The following POU6F1 variants were observed in gnomAD, a reference collection of about 807,000 sequenced individuals.
POU6F1 encodes POU domain, class 6, transcription factor 1.
Under a neutral mutation model 28.9 loss-of-function variants are expected in POU6F1, and 9 were observed. The observed-to-expected ratio is 0.31, with a 90% CI of 0.19 to 0.54. The LOEUF (loss-of-function observed/expected upper bound fraction) is 0.54. Ranked by LOEUF, POU6F1 falls within the 20% of genes least tolerant of loss-of-function variation. POU6F1 has a pLI of 0.94. For missense variants in POU6F1, 338 were observed against 426.1 expected, an observed-to-expected ratio of 0.79 and a Z score of 1.82; for synonymous variants, 173 against 171.1, an observed-to-expected ratio of 1.01 and a Z score of -0.09.
In POU6F1 at chr12:51,205,261, C is replaced by T. The variant is rs541149280; in HGVS notation, c.49-893G>A. On this transcript the variant is annotated intron_variant, in intron 2 of 10. Coordinates refer to ENST00000333640, the MANE Select transcript of POU6F1 (RefSeq NM_001330422.2). ...TTCACTGTGTTGGCCAGGATGGTCT[C>T]GATCTCCTGATCTCGTGATCCGCCC... Among the ~76,000 whole-genome samples, 9 of 152,032 alleles carry T rather than the reference C, an allele frequency of 5.9e-5. No homozygotes were observed. In the South Asian group the frequency reaches 1.7e-3, roughly 28 times the overall value.
intron 3 of POU6F1, among the ~76,000 whole-genome samples, chr12:51,203,489 T>C (rs1943364021): frequency 6.6e-6 from 1 of 152,204 alleles, no homozygotes; most frequent in South Asian, 2.1e-4. Flanking sequence ...TCTCTTGTCA[T>C]TCCTTTATCC....
Position 51,199,867 on chromosome 12 carries a change from C to T in POU6F1, c.246G>A (p.Val82=). The T allele has an allele frequency of 7.5e-6, 3 of 399,380 alleles. No homozygotes were observed. Among genetic ancestry groups the T allele is most frequent in the Non-Finnish European group, 1.3e-5 (3 of 226,240 alleles). 24.7% of individuals were successfully genotyped at this position (399,380 alleles called of 1,614,324 possible). ...TCGGAGGGATCCCCGGGGGTGACTT[C>T]ACTTCACAAGGCATTGAGAGAAAGA... ...DNLGSSAEAT[V]KSPPGIPPSP... Residue 82 remains valine, a splice_region_variant and synonymous_variant, in exon 4 of 11, where the codon GTG becomes GTA. Coordinates refer to ENST00000333640, the MANE Select transcript of POU6F1 (RefSeq NM_001330422.2). This position sits in a 1 kb window ranked among gnomAD's most constrained non-coding sequence, Gnocchi z 4.1.
chr12:51,212,231 C>A (rs910394508), intron 1 of POU6F1, among the ~76,000 whole-genome samples: 2 of 151,808 alleles, frequency 1.3e-5, no homozygotes, highest in African/African-American at 4.8e-5. Context: ...GTAGCTGGGA[C>A]TACAGGTGCG....
rs1384716560 is a variant in POU6F1 at position 51,196,165 on chromosome 12, T to C, written c.984A>G (p.Gly328=). The C allele has an allele frequency of 7.9e-6, 12 of 1,514,154 alleles. No homozygotes were observed. Among genetic ancestry groups the C allele is most frequent in the Non-Finnish European group, 1.1e-5 (12 of 1,134,174 alleles). 93.8% of individuals were successfully genotyped at this position (1,514,154 alleles called of 1,614,324 possible). A position where few individuals can be genotyped will look rare whatever the true frequency, so the allele number is the denominator to read the frequency against. The change falls in exon 8 of 11, where the codon GGA becomes GGG. Residue 328 remains glycine (G), a synonymous_variant. Coordinates refer to ENST00000333640, the MANE Select transcript of POU6F1 (RefSeq NM_001330422.2). ...CTGAGTTCACTACCCATGGAAGGGT[T>C]CCAATAACCTGGGAGGAAATAAGGC... is the stretch of plus-strand genomic sequence containing the variant. ...ILTNAQGQVI[G]TLPWVVNSAS...
At chr12:51,193,741 C>T (rs767229598) in intron 8 of POU6F1, among the ~76,000 whole-genome samples, 5 of 152,134 alleles carry the variant, frequency 3.3e-5, no homozygotes, top group African/African-American at 4.8e-5. Context: ...TTACTTTTTA[C>T]ATTACACAAA....
At chr12:51,205,189 A>G (rs1225917892) in intron 2 of POU6F1, among the ~76,000 whole-genome samples, 4 of 151,544 alleles carry the variant, frequency 2.6e-5, no homozygotes, top group African/African-American at 9.7e-5. Flanking sequence ...ACAGGTGCCC[A>G]CCACCACGCC....
chr12:51,190,041 T>A lies in POU6F1; in HGVS notation c.*206A>T, dbSNP rs1237591018. 1 of 914,604 alleles carries A rather than the reference T, an allele frequency of 1.1e-6. No homozygotes were observed. The highest frequency in any genetic ancestry group is 1.6e-6 in the Non-Finnish European group (1 of 630,988). The allele number at this position is 914,604 out of a possible 1,614,324, so 56.7% of individuals were successfully genotyped here. On this transcript the variant is annotated 3_prime_UTR_variant, in exon 11 of 11. Coordinates refer to ENST00000333640, the MANE Select transcript of POU6F1 (RefSeq NM_001330422.2). This position sits in a 1 kb window ranked among gnomAD's most constrained non-coding sequence, Gnocchi z 4.5. ...GTGACCAGCCCAGAGCCTGGAGCTC[T>A]CGTGTGGCCCCCTCTGGCCTCCCCA... is the stretch of plus-strand genomic sequence containing the variant.
chr12:51,206,044 C>G (rs1429826511), intron 2 of POU6F1, among the ~76,000 whole-genome samples: 1 of 149,090 alleles, frequency 6.7e-6, no homozygotes, highest in Non-Finnish European at 1.5e-5. Flanking sequence ...GTCTCGAACT[C>G]CTGACCTCAG....
intron 8 of POU6F1, among the ~76,000 whole-genome samples, chr12:51,195,112 T>A (rs949047504): frequency 6.6e-6 from 1 of 152,160 alleles, no homozygotes; most frequent in African/African-American, 2.4e-5. Context: ...TAGAACACTC[T>A]CACATCCAAC....
chr12:51,197,183 G>C (rs1261965593), intron 6 of POU6F1: 1 of 281,032 alleles, frequency 3.6e-6, no homozygotes, highest in African/African-American at 2.5e-5. Context: ...TCTACCGGCT[G>C]GATGGTTTCC....
Position 51,190,157 on chromosome 12 carries a change from C to G in POU6F1, c.*90G>C, listed in dbSNP as rs1257509946. On this transcript the variant is annotated 3_prime_UTR_variant, in exon 11 of 11. Transcript: ENST00000333640. The surrounding 1 kb of genome is among the most constrained non-coding windows in gnomAD (Gnocchi z 4.5). ...CTGGGGTGAGCACAGCTGCACGTGG[C>G]AAAATGACAGGTGCTGTCATGGCAG... 6.6e-7 allele frequency: 1 copy of G among 1,518,874 alleles called. No homozygotes were observed. Among genetic ancestry groups the G allele is most frequent in the Non-Finnish European group, 8.8e-7 (1 of 1,136,438 alleles). 94.1% of individuals were successfully genotyped at this position (1,518,874 alleles called of 1,614,324 possible). A position where few individuals can be genotyped will look rare whatever the true frequency, so the allele number is the denominator to read the frequency against.
At chr12:51,216,742 G>A (rs1317778270) in intron 1 of POU6F1, among the ~76,000 whole-genome samples, 1 of 152,194 alleles carries the variant, frequency 6.6e-6, no homozygotes, top group African/African-American at 2.4e-5. Context: ...TTGGAACAAG[G>A]AATTTGGGAA....
chr12:51,196,963 G>T (rs1006911304), intron 6 of POU6F1, 36 bp from the exon 7 acceptor site: 4 of 1,317,206 alleles, frequency 3.0e-6, no homozygotes, highest in South Asian at 1.3e-5. Flanking sequence ...CAGAAGCCAA[G>T]GGGTGAGAAG....
At chr12:51,191,848 A>C in intron 9 of POU6F1, 84 bp from the exon 10 acceptor site, 2 of 1,525,388 alleles carry the variant, frequency 1.3e-6, no homozygotes, top group Non-Finnish European at 1.8e-6. Context: ...GAACTGACGC[A>C]GTAGTGAGAG....
rs1398468172 is a variant in POU6F1 at position 51,189,567 on chromosome 12, T to C, written c.*680A>G. ...GGATTAAGAAAAGGTTCTGTTTTAG[T>C]GCAATTTTCCCCGCAAAGGAACCAG... On this transcript the variant is annotated 3_prime_UTR_variant, in exon 11 of 11. Transcript: ENST00000333640. 6.6e-6 allele frequency: 1 copy of C among 152,626 alleles called. No homozygotes were observed. 9.5% of individuals were successfully genotyped at this position (152,626 alleles called of 1,614,324 possible).
At chr12:51,192,773 T>C (rs1942513803) in intron 8 of POU6F1, among the ~76,000 whole-genome samples, 1 of 151,956 alleles carries the variant, frequency 6.6e-6, no homozygotes, top group Non-Finnish European at 1.5e-5. Flanking sequence ...GGCATGGTGG[T>C]GGGTGCCTAT....
intron 10 of POU6F1, among the ~76,000 whole-genome samples, chr12:51,191,317 C>G (rs1014584681): frequency 1.3e-5 from 2 of 152,188 alleles, no homozygotes; most frequent in Non-Finnish European, 2.9e-5. Flanking sequence ...TCCTTTCCTG[C>G]TAGAATTCCT....
At chr12:51,205,099 C>T (rs546034766) in intron 2 of POU6F1, among the ~76,000 whole-genome samples, 4 of 140,808 alleles carry the variant, frequency 2.8e-5, no homozygotes, top group East Asian at 2.1e-4. Context: ...AATGCAGTGG[C>T]GCAATCTCGG....
At position 51,190,417 on chromosome 12, in the gene POU6F1, T is replaced by G. The variant is rs759912824; in HGVS notation, c.1666A>C (p.Ile556Leu). ...TCAAAATAGGCATTGAGAGCCTCTA[T>G]GGCCTGGGGGGTGAAGGAGGTGCGG... is the stretch of plus-strand genomic sequence containing the variant. ...KRRTSFTPQA[I>L]EALNAYFEKN... The change falls in exon 11 of 11, where the codon ATA becomes CTA. Residue 556 changes from isoleucine (I) to leucine (L), a missense_variant. By Grantham distance (5) the Ile-to-Leu change is conservative. This residue lies in a region of POU6F1 where 126 missense variants were observed against 176.5 expected (regional missense o/e 0.71). Coordinates refer to ENST00000333640, the MANE Select transcript of POU6F1 (RefSeq NM_001330422.2). This position sits in a 1 kb window ranked among gnomAD's most constrained non-coding sequence, Gnocchi z 4.5. 17 of 1,614,022 alleles carry G rather than the reference T, an allele frequency of 1.1e-5. No homozygotes were observed. The highest frequency in any genetic ancestry group is 1.4e-5 in the Non-Finnish European group (17 of 1,180,016).
Sources: gnomAD v4.1 joint callset for allele counts (sites outside exome capture counted in the v4.1 genomes callset) on GRCh38, gnomAD v4.1.1 for gene constraint, gnomAD v4.1.1 regional missense constraint, Gnocchi (gnomAD v3.1) non-coding constraint, MANE v1.5 for transcripts, NCBI Gene and HGNC (gene_info 2026-07-23, HGNC 2026-07-21) for gene names.